EHBP1: variants seen among roughly 807,000 people sequenced by gnomAD.
EHBP1 encodes EH domain binding protein 1, also known as EH domain-binding protein 1.
A neutral mutation model predicts 144.0 loss-of-function variants in EHBP1; 55 were observed. The ratio of observed to expected loss-of-function variants is 0.38; its 90% confidence interval spans 0.31 to 0.48. The LOEUF (loss-of-function observed/expected upper bound fraction) is 0.48. Among genes scored for constraint, EHBP1 ranks in the 20% least tolerant of loss-of-function variants. The pLI is 0.98. For synonymous variants in EHBP1, 469 were observed against 472.7 expected, an observed-to-expected ratio of 0.99 and a Z score of 0.10; for missense variants, 1,200 against 1,364.2, an observed-to-expected ratio of 0.88 and a Z score of 1.90.
chr2:62,684,523 A>T (rs1558507010), intron 1 of EHBP1, among the ~76,000 whole-genome samples: 1 of 152,234 alleles, frequency 6.6e-6, no homozygotes, highest in Non-Finnish European at 1.5e-5. Flanking sequence ...GAAATGAGCC[A>T]TTGAGTTTTA....
chr2:62,861,273 G>T (rs2049515420), intron 8 of EHBP1, among the ~76,000 whole-genome samples: 1 of 151,440 alleles, frequency 6.6e-6, no homozygotes, highest in Non-Finnish European at 1.5e-5. Flanking sequence ...TGGATTACAG[G>T]CGCGTGCCAC....
At chr2:62,977,621 A>G (rs980561288) in intron 14 of EHBP1, among the ~76,000 whole-genome samples, 19 of 152,152 alleles carry the variant, frequency 1.2e-4, no homozygotes, top group African/African-American at 4.6e-4. Context: ...TTTTGAGAGT[A>G]TAAATAGTAT....
At chr2:62,835,957 C>T (rs1426400082) in intron 7 of EHBP1, among the ~76,000 whole-genome samples, 2 of 151,602 alleles carry the variant, frequency 1.3e-5, no homozygotes, top group East Asian at 3.9e-4. Context: ...GTAAACAAAG[C>T]GGCCCGGAAG....
chr2:62,763,354 G>C (rs1476555797), intron 3 of EHBP1, among the ~76,000 whole-genome samples: 1 of 152,076 alleles, frequency 6.6e-6, no homozygotes, highest in Non-Finnish European at 1.5e-5. Context: ...CCAGGGCCTA[G>C]AACAGTGCTT....
intron 5 of EHBP1, among the ~76,000 whole-genome samples, chr2:62,797,541 C>T (rs1471564039): frequency 3.9e-5 from 6 of 152,124 alleles, no homozygotes; most frequent in Admixed American, 1.3e-4. Flanking sequence ...AATAAAAATA[C>T]GCCAATCAAG....
chr2:62,764,017 A>G (rs1255712209), intron 3 of EHBP1, among the ~76,000 whole-genome samples: 3 of 151,986 alleles, frequency 2.0e-5, no homozygotes, highest in East Asian at 1.9e-4. Flanking sequence ...GGGGATAAAG[A>G]TTTGTTTACA....
chr2:62,726,817 T>C (rs529038994), intron 2 of EHBP1: 1 of 152,284 alleles, frequency 6.6e-6, no homozygotes, highest in East Asian at 1.9e-4. Context: ...TCCCATCCTG[T>C]TGAATTAATT....
At chr2:62,754,690 G>C (rs1240884014) in intron 3 of EHBP1, among the ~76,000 whole-genome samples, 1 of 152,194 alleles carries the variant, frequency 6.6e-6, no homozygotes, top group Non-Finnish European at 1.5e-5. Context: ...AGCAATGGTG[G>C]GTGCCCCTCC....
intron 5 of EHBP1, among the ~76,000 whole-genome samples, chr2:62,781,177 A>G (rs2042400184): frequency 6.6e-6 from 1 of 152,156 alleles, no homozygotes; most frequent in Non-Finnish European, 1.5e-5. Context: ...ATGTTCCCAT[A>G]TAAAGAGTAC....
At chr2:62,679,236 C>T (rs2033422176) in intron 1 of EHBP1, among the ~76,000 whole-genome samples, 1 of 152,198 alleles carries the variant, frequency 6.6e-6, no homozygotes. Context: ...CAATATCACA[C>T]CTATAGTCAG....
At chr2:62,921,934 C>T (rs1289172013) in intron 10 of EHBP1, among the ~76,000 whole-genome samples, 20 of 152,114 alleles carry the variant, frequency 1.3e-4, no homozygotes, top group Admixed American at 1.0e-3. Context: ...GCCAGCACTT[C>T]GGGAGGCTGA....
intron 10 of EHBP1, among the ~76,000 whole-genome samples, chr2:62,878,768 G>T (rs1185766858): frequency 1.3e-5 from 2 of 152,202 alleles, no homozygotes; most frequent in East Asian, 3.9e-4. Flanking sequence ...TAGCACTTTG[G>T]GAGGCTGAGG....
At position 62,996,778 on chromosome 2, in the gene EHBP1, A is replaced by T; in HGVS notation, c.3103+12A>T. On this transcript the variant is annotated intron_variant, in intron 19 of 22. Coordinates refer to ENST00000431489, the MANE Select transcript of EHBP1 (RefSeq NM_001142616.3). ...TCTCATGGACACAGGTACGGTGCCCAATTACACTGTAAACAGTTTTGGCAA... is the reference window on the plus strand; with the variant it reads ...TCTCATGGACACAGGTACGGTGCCCTATTACACTGTAAACAGTTTTGGCAA... 1 of 1,609,510 alleles carries T rather than the reference A, an allele frequency of 6.2e-7. No individual in the cohort carries two copies. Among genetic ancestry groups the T allele is most frequent in the Non-Finnish European group, 8.5e-7 (1 of 1,178,398 alleles).
intron 5 of EHBP1, among the ~76,000 whole-genome samples, chr2:62,779,492 G>A (rs1356503182): frequency 6.6e-6 from 1 of 152,104 alleles, no homozygotes; most frequent in African/African-American, 2.4e-5. Context: ...TTGCTGAATG[G>A]CAAGAAAATT....
intron 2 of EHBP1, among the ~76,000 whole-genome samples, chr2:62,734,823 G>T (rs910678980): frequency 1.7e-4 from 26 of 152,126 alleles, no homozygotes; most frequent in South Asian, 2.1e-4. Context: ...TGAACTCCTG[G>T]GTTTAAACGA....
intron 10 of EHBP1, among the ~76,000 whole-genome samples, chr2:62,924,005 C>T (rs1027164786): frequency 7.2e-5 from 11 of 152,158 alleles, no homozygotes; most frequent in Admixed American, 3.3e-4. Flanking sequence ...ACCCAGTAGA[C>T]ACAACCTAAG....
intron 10 of EHBP1, among the ~76,000 whole-genome samples, chr2:62,935,981 G>A (rs77640813): frequency 1.6e-3 from 240 of 152,058 alleles, no homozygotes; most frequent in African/African-American, 5.6e-3. Context: ...ATGTGTTCTT[G>A]GGATAAGTCT....
chr2:62,678,757 A>G (rs1322271152), intron 1 of EHBP1, among the ~76,000 whole-genome samples: 3 of 152,214 alleles, frequency 2.0e-5, no homozygotes, highest in African/African-American at 4.8e-5. Flanking sequence ...ATATCCCTGT[A>G]CCCAAATATC....
At chr2:62,716,892 C>A (rs2035738644) in intron 2 of EHBP1, among the ~76,000 whole-genome samples, 1 of 152,188 alleles carries the variant, frequency 6.6e-6, no homozygotes, top group East Asian at 1.9e-4. Context: ...CCACCTGCTA[C>A]AATTTATGAT....
Sources: allele counts gnomAD v4.1 joint callset (sites outside exome capture counted in the v4.1 genomes callset), GRCh38; gene constraint gnomAD v4.1.1; transcripts MANE v1.5; gene names NCBI Gene and HGNC (gene_info 2026-07-23, HGNC 2026-07-21).